The following LARP4B variants were observed in gnomAD, a reference collection of about 807,000 sequenced individuals.
LARP4B encodes the protein La ribonucleoprotein 4B.
LARP4B carries 12 observed loss-of-function variants against 89.8 expected under a neutral mutation model. The observed-to-expected ratio is 0.13, with a 90% confidence interval of 0.09 to 0.22. The LOEUF is 0.22. Ranked by LOEUF, LARP4B falls within the 10% of genes least tolerant of loss-of-function variation. The pLI, the probability that LARP4B is intolerant of heterozygous loss-of-function variation, is 1.00. For synonymous variants in LARP4B, 367 were observed against 363.3 expected, an observed-to-expected ratio of 1.01 and a Z score of -0.12; for missense variants, 757 against 947.7, an observed-to-expected ratio of 0.80 and a Z score of 2.64.
chr10:969,798 A>T, the LARP4B span, among the ~76,000 whole-genome samples: 1 of 152,208 alleles, frequency 6.6e-6, no homozygotes, highest in Non-Finnish European at 1.5e-5. Flanking sequence ...CTATCCCAAG[A>T]TTAGAGGAAG....
the LARP4B span, chr10:985,689 C>T: frequency 6.6e-6 from 1 of 152,218 alleles, no homozygotes; most frequent in East Asian, 1.9e-4. Flanking sequence ...TGACCCACTT[C>T]AGGGTTGTGC....
intron 17 of LARP4B, among the ~76,000 whole-genome samples, chr10:813,781 TA>T (rs1377837406): frequency 6.6e-6 from 1 of 151,102 alleles, no homozygotes; most frequent in African/African-American, 2.4e-5. Context: ...AACAGAAAAG[TA>T]AAATATTTCC....
chr10:833,250 A>T (rs965795632), intron 8 of LARP4B, among the ~76,000 whole-genome samples: 1 of 18,782 alleles, frequency 5.3e-5, no homozygotes, highest in Non-Finnish European at 1.2e-4. Flanking sequence ...GATGAGCTTT[A>T]AAAAAAAAAA....
At chr10:808,729 G>A (rs1400007786), downstream of LARP4B, 2 of 138,610 alleles carry the variant, frequency 1.4e-5, no homozygotes, top group African/African-American at 2.9e-5. Flanking sequence ...AAAAGCGTGT[G>A]TGTGTGTGTG....
At chr10:890,065 G>A (rs1414958390) in intron 1 of LARP4B, among the ~76,000 whole-genome samples, 2 of 152,106 alleles carry the variant, frequency 1.3e-5, no homozygotes, top group African/African-American at 4.8e-5. Flanking sequence ...GATAAATATT[G>A]TTATTTAACC....
chr10:940,840 A>C, the LARP4B span, among the ~76,000 whole-genome samples: 2 of 152,234 alleles, frequency 1.3e-5, no homozygotes, highest in Admixed American at 6.5e-5. Context: ...TCACATAGAA[A>C]TTACTGTATG....
chr10:909,021 G>A (rs984008900), intron 1 of LARP4B, among the ~76,000 whole-genome samples: 36 of 152,240 alleles, frequency 2.4e-4, no homozygotes, highest in Non-Finnish European at 3.7e-4. Flanking sequence ...GCGGCCAGGC[G>A]CGGTGGCTCA....
chr10:914,816 G>A (rs1322193996), intron 1 of LARP4B, among the ~76,000 whole-genome samples: 5 of 37,272 alleles, frequency 1.3e-4, no homozygotes, highest in African/African-American at 1.3e-4. Flanking sequence ...CGCCCCCACC[G>A]CCCACCCCCC....
At chr10:969,457 C>T in the LARP4B span, among the ~76,000 whole-genome samples, 17 of 152,216 alleles carry the variant, frequency 1.1e-4, no homozygotes, top group African/African-American at 3.9e-4. Flanking sequence ...AGGCTCGGCA[C>T]GGTGGCTCAC....
chr10:881,818 T>C (rs1355992451), intron 3 of LARP4B, among the ~76,000 whole-genome samples: 5 of 152,252 alleles, frequency 3.3e-5, no homozygotes, highest in African/African-American at 9.6e-5. Flanking sequence ...AATGTGATCA[T>C]GCAATCTTGC....
chr10:813,479 C>G (rs1026392086), intron 17 of LARP4B, among the ~76,000 whole-genome samples: 23 of 152,230 alleles, frequency 1.5e-4, no homozygotes, highest in African/African-American at 5.5e-4. Flanking sequence ...CCCTACCCAG[C>G]CCTATGCCTG....
intron 1 of LARP4B, among the ~76,000 whole-genome samples, chr10:926,432 C>T (rs2132060754): frequency 6.6e-6 from 1 of 152,186 alleles, no homozygotes; most frequent in East Asian, 1.9e-4. Flanking sequence ...GTTTGCAACA[C>T]CAAGGTAGGA....
chr10:951,092 G>A, the LARP4B span, among the ~76,000 whole-genome samples: 2 of 151,774 alleles, frequency 1.3e-5, no homozygotes, highest in Non-Finnish European at 2.9e-5. Context: ...AGCTAGGACT[G>A]CTAGCACCAT....
At chr10:880,354 A>G (rs566591163) in intron 3 of LARP4B, among the ~76,000 whole-genome samples, 29 of 152,308 alleles carry the variant, frequency 1.9e-4, no homozygotes, top group African/African-American at 6.0e-4. Flanking sequence ...GGAAGGGACT[A>G]AAGTTTTTTG....
At chr10:960,272 C>G in the LARP4B span, among the ~76,000 whole-genome samples, 1 of 152,108 alleles carries the variant, frequency 6.6e-6, no homozygotes, top group Non-Finnish European at 1.5e-5. Context: ...CAGAGGATTA[C>G]TAGGCCAGTA....
chr10:984,914 A>T, the LARP4B span, among the ~76,000 whole-genome samples: 1 of 152,226 alleles, frequency 6.6e-6, no homozygotes, highest in South Asian at 2.1e-4. Context: ...CCTAGGCGAC[A>T]GAGTGAGACC....
At chr10:973,001 T>G in the LARP4B span, 1 of 395,660 alleles carries the variant, frequency 2.5e-6, no homozygotes, top group Non-Finnish European at 5.0e-6. Flanking sequence ...ATTCTGTGGG[T>G]GGGACAAAGA....
At chr10:896,360 TG>T (rs1384242356) in intron 1 of LARP4B, among the ~76,000 whole-genome samples, 19 of 152,326 alleles carry the variant, frequency 1.2e-4, no homozygotes, top group African/African-American at 4.6e-4. Flanking sequence ...TTATATGAAA[TG>T]ACTACCAAAA....
chr10:844,980 G>C lies in LARP4B; in HGVS notation c.506C>G (p.Ser169Cys). The C allele has an allele frequency of 6.2e-7, 1 of 1,610,550 alleles. No homozygotes were observed. The highest frequency in any genetic ancestry group is 8.5e-7 in the Non-Finnish European group (1 of 1,178,872). Residue 169 changes from serine (S) to cysteine (C), a missense_variant, in exon 6 of 18, where the codon TCT (serine) becomes TGT (cysteine). By Grantham distance (112) the Ser-to-Cys change is moderately radical (BLOSUM62 -1). This residue lies in a region of LARP4B where 54 missense variants were observed against 96.0 expected (regional missense o/e 0.56). Transcript: ENST00000316157. ...GAAAAACCACCACCAGCCTTACCTAGATAAGCAGAATTCCAATGTTTTTTT... is the reference window on the plus strand; with the variant it reads ...GAAAAACCACCACCAGCCTTACCTACATAAGCAGAATTCCAATGTTTTTTT... ...VLKKTLEFCL[S>C]RENLASDMYL... is the part of the protein sequence containing the mutation.
Sources: allele counts gnomAD v4.1 joint callset (sites outside exome capture counted in the v4.1 genomes callset), GRCh38; gene constraint gnomAD v4.1.1; regional missense constraint gnomAD v4.1.1; transcripts MANE v1.5; gene names NCBI Gene and HGNC (gene_info 2026-07-23, HGNC 2026-07-21).